SND1: variants seen among roughly 807,000 people sequenced by gnomAD.
SND1 encodes the protein staphylococcal nuclease and tudor domain containing 1.
A neutral mutation model predicts 121.7 loss-of-function variants in SND1; 38 were observed. The observed-to-expected ratio is 0.31, with a 90% confidence interval of 0.24 to 0.41. The LOEUF is 0.41. Ranked by LOEUF, SND1 falls within the 10% of genes least tolerant of loss-of-function variation. SND1 has a pLI of 1.00. For missense variants in SND1, 868 were observed against 1,184.6 expected (o/e 0.73, Z 3.92); for synonymous variants, 401 against 447.4 (o/e 0.90, Z 1.31).
chr7:127,894,818 T>C (rs574844271), intron 13 of SND1, among the ~76,000 whole-genome samples: 3 of 151,922 alleles, frequency 2.0e-5, no homozygotes, highest in South Asian at 2.1e-4. Flanking sequence ...CCTTTTTTTT[T>C]TTTTTTCTTT....
At chr7:127,822,778 A>G (rs754884900) in intron 11 of SND1, among the ~76,000 whole-genome samples, 3 of 152,188 alleles carry the variant, frequency 2.0e-5, no homozygotes, top group Admixed American at 6.5e-5. Context: ...TCTCCATGTC[A>G]TTAAATAGTC....
chr7:127,879,578 C>T (rs554753674), intron 12 of SND1, among the ~76,000 whole-genome samples: 1 of 152,256 alleles, frequency 6.6e-6, no homozygotes, highest in South Asian at 2.1e-4. Flanking sequence ...AGATCAGCCC[C>T]ATGGTAAAAC....
chr7:127,924,994 C>G (rs1020940050), intron 14 of SND1, among the ~76,000 whole-genome samples: 2 of 152,168 alleles, frequency 1.3e-5, no homozygotes, highest in African/African-American at 4.8e-5. Context: ...GAGGGTCATT[C>G]AGAACCCTGT....
chr7:127,907,120 C>A (rs530376585), intron 14 of SND1, among the ~76,000 whole-genome samples: 9 of 152,158 alleles, frequency 5.9e-5, no homozygotes, highest in Admixed American at 5.2e-4. Context: ...AAAAGCTGCT[C>A]GATTTAAATG....
chr7:127,867,900 T>TAA (rs57966397), intron 12 of SND1, among the ~76,000 whole-genome samples: 155 of 148,262 alleles, frequency 1.0e-3, no homozygotes, highest in East Asian at 1.6e-3. Flanking sequence ...ACCATTCCTT[T>TAA]AAAAAAAAAA....
chr7:127,866,359 A>G (rs1799476231), intron 12 of SND1, among the ~76,000 whole-genome samples: 1 of 152,214 alleles, frequency 6.6e-6, no homozygotes, highest in African/African-American at 2.4e-5. Context: ...AGCATATAGC[A>G]TTTTGGATTG....
intron 16 of SND1, among the ~76,000 whole-genome samples, chr7:128,007,300 T>G (rs763464590): frequency 2.0e-5 from 3 of 152,170 alleles, no homozygotes; most frequent in Non-Finnish European, 4.4e-5. Flanking sequence ...AAGAATCTAC[T>G]TCCATTTAAT....
At chr7:128,028,475 C>T in intron 16 of SND1, 4 of 517,982 alleles carry the variant, frequency 7.7e-6, no homozygotes, top group Non-Finnish European at 1.3e-5. Flanking sequence ...TCCCCCCCAC[C>T]CCCTTTAAAT....
chr7:128,039,794 A>C (rs1448260273), intron 16 of SND1, among the ~76,000 whole-genome samples: 1 of 152,242 alleles, frequency 6.6e-6, no homozygotes, highest in South Asian at 2.1e-4. Context: ...CAGGACAGTA[A>C]GATCAAATGC....
intron 11 of SND1, among the ~76,000 whole-genome samples, chr7:127,821,272 G>A (rs1047686455): frequency 2.0e-5 from 3 of 152,316 alleles, no homozygotes; most frequent in East Asian, 1.9e-4. Flanking sequence ...TGATGCAGTA[G>A]CCTGATGCTG....
chr7:127,763,680 C>G (rs1007725407), intron 10 of SND1, among the ~76,000 whole-genome samples: 12 of 151,654 alleles, frequency 7.9e-5, no homozygotes, highest in African/African-American at 2.7e-4. Flanking sequence ...GAAAAACTTA[C>G]GGACAAAAAA....
intron 10 of SND1, among the ~76,000 whole-genome samples, chr7:127,732,301 A>G (rs1170539038): frequency 6.6e-6 from 1 of 152,096 alleles, no homozygotes; most frequent in East Asian, 1.9e-4. Flanking sequence ...GGTTCCTTCC[A>G]TTTCTACCTG....
rs1290614145 is a variant in SND1, at chr7:128,029,277, G to A, written c.1779+38221G>A. On this transcript the variant is annotated intron_variant, in intron 16 of 23. Transcript: ENST00000354725. The surrounding 1 kb of genome is among the most constrained non-coding windows in gnomAD (Gnocchi z 4.2). ...CTCCGTGGTCTCCACTGTTACTGTG[G>A]TGAAGAAGCTGTAGTTGGAGGTGTT... 3 of 1,614,196 alleles carry A rather than the reference G, an allele frequency of 1.9e-6. No homozygotes were observed. Among genetic ancestry groups the A allele is most frequent in the South Asian group, 1.1e-5 (1 of 91,080 alleles).
At chr7:127,926,657 A>G (rs1800844205) in intron 14 of SND1, among the ~76,000 whole-genome samples, 1 of 143,206 alleles carries the variant, frequency 7.0e-6, no homozygotes, top group African/African-American at 2.6e-5. Context: ...GGTTCATACC[A>G]TTCTCCTGCC....
chr7:127,890,965 A>T (rs1183241445), intron 13 of SND1, among the ~76,000 whole-genome samples: 1 of 152,136 alleles, frequency 6.6e-6, no homozygotes, highest in African/African-American at 2.4e-5. Context: ...CCCTTTGCCC[A>T]TGAGGCATTG....
At chr7:127,780,607 T>G (rs1231418978) in intron 10 of SND1, among the ~76,000 whole-genome samples, 1 of 152,248 alleles carries the variant, frequency 6.6e-6, no homozygotes, top group African/African-American at 2.4e-5. Flanking sequence ...GAGAGCTTCC[T>G]TTGTAATTTT....
chr7:127,941,900 T>TG (rs1404735344), intron 15 of SND1, among the ~76,000 whole-genome samples: 5 of 145,332 alleles, frequency 3.4e-5, no homozygotes, highest in African/African-American at 1.3e-4. Flanking sequence ...TTTTTTTTTT[T>TG]TTTTTTTTTT....
At chr7:127,727,341 A>G (rs1429886623) in intron 10 of SND1, among the ~76,000 whole-genome samples, 1 of 152,158 alleles carries the variant, frequency 6.6e-6, no homozygotes, top group Non-Finnish European at 1.5e-5. Context: ...AGGGTTATGT[A>G]AGGCACTGAT....
intron 12 of SND1, among the ~76,000 whole-genome samples, chr7:127,872,628 G>GCGCA (rs375975443): frequency 5.0e-4 from 70 of 139,966 alleles, no homozygotes; most frequent in Non-Finnish European, 6.6e-4. Context: ...TAACACACAC[G>GCGCA]CACACACACA....
Sources: allele counts gnomAD v4.1 joint callset (sites outside exome capture counted in the v4.1 genomes callset), GRCh38; gene constraint gnomAD v4.1.1; non-coding constraint Gnocchi (gnomAD v3.1); transcripts MANE v1.5; gene names NCBI Gene and HGNC (gene_info 2026-07-23, HGNC 2026-07-21).